TNIK: variants seen among roughly 807,000 people sequenced by gnomAD.
The protein encoded by TNIK is TRAF2 and NCK-interacting protein kinase.
Under a neutral mutation model 191.3 loss-of-function variants are expected in TNIK, and 49 were observed. The ratio of observed to expected loss-of-function variants is 0.26; its 90% CI spans 0.20 to 0.32. TNIK has a LOEUF of 0.32. TNIK is among the 10% of genes least tolerant of loss of function. The pLI is 1.00. For missense variants in TNIK, 1,155 were observed against 1,702.3 expected (o/e 0.68, Z 5.66); for synonymous variants, 594 against 600.9 (o/e 0.99, Z 0.17).
intron 20 of TNIK, among the ~76,000 whole-genome samples, chr3:171,107,581 C>A (rs1260367294): frequency 6.6e-6 from 1 of 152,116 alleles, no homozygotes; most frequent in Admixed American, 6.6e-5. Context: ...AAGCTGGATG[C>A]TAAGTTGTTA....
At chr3:171,387,534 C>T (rs987671227) in intron 1 of TNIK, among the ~76,000 whole-genome samples, 3 of 152,178 alleles carry the variant, frequency 2.0e-5, no homozygotes, top group African/African-American at 7.2e-5. Context: ...CTCATGTGCC[C>T]TTCTCAGTCA....
At chr3:171,092,378 ACT>A (rs1722191720) in intron 23 of TNIK, among the ~76,000 whole-genome samples, 1 of 152,128 alleles carries the variant, frequency 6.6e-6, no homozygotes, top group Non-Finnish European at 1.5e-5. Flanking sequence ...GGAGGTATTG[ACT>A]CTGTCATAAA....
intron 1 of TNIK, among the ~76,000 whole-genome samples, chr3:171,456,773 T>A (rs903557205): frequency 6.6e-6 from 1 of 152,242 alleles, no homozygotes; most frequent in African/African-American, 2.4e-5. Context: ...TCCCTGACCC[T>A]GGTGAAATTA....
intron 7 of TNIK, among the ~76,000 whole-genome samples, chr3:171,179,117 A>G (rs1375574327): frequency 6.6e-6 from 1 of 152,208 alleles, no homozygotes; most frequent in Non-Finnish European, 1.5e-5. Context: ...CAATGTTACC[A>G]GTTCTCAGTT....
chr3:171,430,856 T>G (rs959932170), intron 1 of TNIK, among the ~76,000 whole-genome samples: 1 of 152,142 alleles, frequency 6.6e-6, no homozygotes, highest in Non-Finnish European at 1.5e-5. Context: ...AGTTGAGTTT[T>G]CAGATTACAC....
chr3:171,231,314 TTTG>T (rs1202128204), intron 2 of TNIK, among the ~76,000 whole-genome samples: 10 of 143,194 alleles, frequency 7.0e-5, no homozygotes, highest in African/African-American at 2.4e-4. Context: ...TTGTTGTTGT[TTTG>T]TTTTTTTTTT....
chr3:171,146,575 C>A (rs1731619937), intron 12 of TNIK, among the ~76,000 whole-genome samples: 1 of 152,108 alleles, frequency 6.6e-6, no homozygotes, highest in African/African-American at 2.4e-5. Flanking sequence ...AATACGAACA[C>A]TGAAGACCAC....
intron 15 of TNIK, among the ~76,000 whole-genome samples, chr3:171,130,245 CT>C (rs1175333085): frequency 6.6e-6 from 1 of 152,170 alleles, no homozygotes; most frequent in Non-Finnish European, 1.5e-5. Context: ...CAAAGTAAGT[CT>C]GTTTTTAAAC....
chr3:171,404,522 G>C (rs777854518), intron 1 of TNIK, among the ~76,000 whole-genome samples: 2 of 150,916 alleles, frequency 1.3e-5, no homozygotes, highest in Admixed American at 6.6e-5. Flanking sequence ...TTTGTGCCTT[G>C]AGTTTGTTTT....
intron 2 of TNIK, among the ~76,000 whole-genome samples, chr3:171,324,124 G>A (rs770881707): frequency 2.5e-4 from 36 of 141,948 alleles, no homozygotes; most frequent in Non-Finnish European, 4.0e-4. Context: ...CAAGCAGAAC[G>A]TCACCCAAAT....
intron 2 of TNIK, among the ~76,000 whole-genome samples, chr3:171,324,588 G>C (rs1270099374): frequency 6.6e-6 from 1 of 151,938 alleles, no homozygotes; most frequent in Non-Finnish European, 1.5e-5. Context: ...TAATTAGATG[G>C]GCCACCCTTA....
intron 3 of TNIK, among the ~76,000 whole-genome samples, chr3:171,219,135 A>G (rs1194202842): frequency 2.2e-5 from 3 of 134,176 alleles, no homozygotes; most frequent in Non-Finnish European, 4.6e-5. Context: ...ATATAATTAT[A>G]AATATATATT....
At chr3:171,312,465 A>G (rs527537677) in intron 2 of TNIK, among the ~76,000 whole-genome samples, 2 of 152,222 alleles carry the variant, frequency 1.3e-5, no homozygotes, top group South Asian at 4.2e-4. Context: ...GTTAGGTCTC[A>G]GATAATTGAA....
intron 2 of TNIK, chr3:171,347,300 T>C (rs1712379989): frequency 6.3e-6 from 9 of 1,438,868 alleles, no homozygotes; most frequent in Non-Finnish European, 8.4e-6. Context: ...CTCTTCTCTT[T>C]GACAGCCAAG....
intron 3 of TNIK, among the ~76,000 whole-genome samples, chr3:171,212,330 G>T (rs1471211852): frequency 6.6e-6 from 1 of 151,896 alleles, no homozygotes; most frequent in African/African-American, 2.4e-5. Flanking sequence ...CATTCACCAG[G>T]GATCTCTTCC....
rs1043845513 is a variant in TNIK at position 171,217,174 on chromosome 3, T to C, written c.181-5933A>G. Among the ~76,000 whole-genome samples, 6 of 151,998 alleles carry C rather than the reference T, an allele frequency of 3.9e-5. 1 individual carries two copies. In the South Asian group the frequency reaches 8.3e-4, roughly 21 times the overall value. On this transcript the variant is annotated intron_variant, in intron 3 of 32. Coordinates refer to ENST00000436636, the MANE Select transcript of TNIK (RefSeq NM_015028.4). Reference sequence around the variant, plus strand: ...TGGTACCCATCAATGGTGGACTGGGTAAAGAAAATATGGTATGCATACACC... The same window carrying C: ...TGGTACCCATCAATGGTGGACTGGGCAAAGAAAATATGGTATGCATACACC...
intron 3 of TNIK, among the ~76,000 whole-genome samples, chr3:171,227,386 T>A (rs1743087541): frequency 6.6e-6 from 1 of 152,194 alleles, no homozygotes. Context: ...AATATCCTAC[T>A]AGGATCTTAG....
chr3:171,411,524 G>A (rs1287425433), intron 1 of TNIK, among the ~76,000 whole-genome samples: 1 of 151,932 alleles, frequency 6.6e-6, no homozygotes, highest in African/African-American at 2.4e-5. Context: ...TATTTTCATG[G>A]AGGTGCAACA....
chr3:171,391,683 T>G (rs1031019399), intron 1 of TNIK, among the ~76,000 whole-genome samples: 2 of 152,244 alleles, frequency 1.3e-5, no homozygotes, highest in African/African-American at 4.8e-5. Flanking sequence ...ACCACTTCCT[T>G]AAGTTATATT....
Sources: gnomAD v4.1 joint callset for allele counts (sites outside exome capture counted in the v4.1 genomes callset) on GRCh38, gnomAD v4.1.1 for gene constraint, MANE v1.5 for transcripts, NCBI Gene and HGNC (gene_info 2026-07-23, HGNC 2026-07-21) for gene names.